Variants in GRXCR2 observed in about 807,000 individuals in gnomAD.
GRXCR2 encodes the protein glutaredoxin and cysteine rich domain containing 2.
GRXCR2 carries 23 observed loss-of-function variants against 24.8 expected under a neutral mutation model. That is an observed-to-expected ratio of 0.93 (90% confidence interval 0.67 to 1.32). The LOEUF (loss-of-function observed/expected upper bound fraction) is 1.32. Ranked by LOEUF, GRXCR2 falls within the 40% of genes most tolerant of loss-of-function variation. GRXCR2 has a pLI of 0.00. For synonymous variants in GRXCR2, 130 were observed against 116.1 expected (o/e 1.12, Z -0.77); for missense variants, 315 against 303.4 (o/e 1.04, Z -0.28).
intron 2 of GRXCR2, among the ~76,000 whole-genome samples, chr5:145,882,268 G>A (rs140465335): frequency 0.014 from 2,082 of 152,116 alleles, 59 homozygotes; most frequent in African/African-American, 0.047. Flanking sequence ...TGCAATCTAC[G>A]CATCTGACAA....
chr5:145,886,017 T>C (rs1241788198), intron 2 of GRXCR2, among the ~76,000 whole-genome samples: 1 of 152,226 alleles, frequency 6.6e-6, no homozygotes, highest in Non-Finnish European at 1.5e-5. Flanking sequence ...CTTCTCATCA[T>C]TAATGCTTCT....
At chr5:145,866,087 T>C (rs1756424510) in intron 2 of GRXCR2, among the ~76,000 whole-genome samples, 1 of 142,254 alleles carries the variant, frequency 7.0e-6, no homozygotes, top group Non-Finnish European at 1.5e-5. Context: ...TGAGCAAAGA[T>C]CACGCCATTG....
chr5:145,866,452 A>G, intron 2 of GRXCR2, 49 bp downstream of exon 2: 1 of 1,382,248 alleles, frequency 7.2e-7, no homozygotes, highest in East Asian at 2.3e-5. Flanking sequence ...CTTGGAGACC[A>G]TTGCTGTAGG....
At chr5:145,930,417 C>G (rs952859645) in intron 2 of GRXCR2, among the ~76,000 whole-genome samples, 10 of 152,176 alleles carry the variant, frequency 6.6e-5, no homozygotes, top group Non-Finnish European at 2.9e-5. Flanking sequence ...AAGTTCAGAT[C>G]TAGGCAGGCA....
chr5:145,930,836 T>C (rs1249573504), intron 2 of GRXCR2, among the ~76,000 whole-genome samples: 2 of 152,212 alleles, frequency 1.3e-5, no homozygotes, highest in African/African-American at 4.8e-5. Flanking sequence ...CACTATTATA[T>C]ACATCATCTC....
At chr5:145,870,169 A>G (rs145457333) in intron 1 of GRXCR2, among the ~76,000 whole-genome samples, 1 of 152,298 alleles carries the variant, frequency 6.6e-6, no homozygotes, top group African/African-American at 2.4e-5. Flanking sequence ...CATGACCACC[A>G]TTCATCTCCA....
At chr5:145,897,661 G>C (rs1248074818) in intron 2 of GRXCR2, among the ~76,000 whole-genome samples, 1 of 151,874 alleles carries the variant, frequency 6.6e-6, no homozygotes, top group African/African-American at 2.4e-5. Context: ...TCAATACCAA[G>C]AAGATATCTC....
chr5:145,860,488 C>T (rs1445324201), intron 2 of GRXCR2, among the ~76,000 whole-genome samples: 1 of 152,214 alleles, frequency 6.6e-6, no homozygotes, highest in Non-Finnish European at 1.5e-5. Flanking sequence ...AGAATTCATG[C>T]TCCTAATGCC....
At chr5:145,929,624 C>T (rs1757453495) in intron 2 of GRXCR2, among the ~76,000 whole-genome samples, 1 of 152,080 alleles carries the variant, frequency 6.6e-6, no homozygotes, top group Non-Finnish European at 1.5e-5. Context: ...TTACCAATTA[C>T]TTGGATTTTA....
intron 2 of GRXCR2, among the ~76,000 whole-genome samples, chr5:145,878,201 G>A (rs1756647438): frequency 6.6e-6 from 1 of 152,218 alleles, no homozygotes. Context: ...TGACTTTGAT[G>A]AGTTGACAGA....
intron 2 of GRXCR2, among the ~76,000 whole-genome samples, chr5:145,896,594 C>T (rs943802586): frequency 1.1e-4 from 16 of 152,174 alleles, no homozygotes; most frequent in African/African-American, 3.1e-4. Flanking sequence ...TACCATCTCA[C>T]ACCAGTTAGA....
At chr5:145,915,524 C>A (rs570452655) in intron 2 of GRXCR2, among the ~76,000 whole-genome samples, 1 of 152,134 alleles carries the variant, frequency 6.6e-6, no homozygotes. Flanking sequence ...GTGGCTCACA[C>A]CTGTAATCCT....
At chr5:145,868,119 CAT>C (rs571001671) in intron 1 of GRXCR2, among the ~76,000 whole-genome samples, 8 of 152,220 alleles carry the variant, frequency 5.3e-5, no homozygotes, top group African/African-American at 1.9e-4. Flanking sequence ...CCACGAAAAA[CAT>C]ATAAAATAGT....
chr5:145,921,927 A>C (rs1315818859), intron 2 of GRXCR2, among the ~76,000 whole-genome samples: 2 of 152,184 alleles, frequency 1.3e-5, no homozygotes, highest in African/African-American at 4.8e-5. Flanking sequence ...GGTATTTTTA[A>C]ATCTTAATTT....
chr5:145,923,883 T>C (rs1384181449), intron 2 of GRXCR2, among the ~76,000 whole-genome samples: 2 of 152,142 alleles, frequency 1.3e-5, no homozygotes, highest in African/African-American at 4.8e-5. Flanking sequence ...TTATTCTCCA[T>C]TACAAACAAC....
At chr5:145,921,395 C>T (rs968987817) in intron 2 of GRXCR2, among the ~76,000 whole-genome samples, 15 of 152,206 alleles carry the variant, frequency 9.9e-5, no homozygotes, top group Admixed American at 3.3e-4. Flanking sequence ...AATTGTGGGA[C>T]TTTGACAGCA....
chr5:145,868,451 A>G (rs1488996044), intron 1 of GRXCR2, among the ~76,000 whole-genome samples: 1 of 152,170 alleles, frequency 6.6e-6, no homozygotes, highest in African/African-American at 2.4e-5. Context: ...CAAGCTTCCT[A>G]TCTGGCCCGA....
At chr5:145,906,663 T>G (rs887956454) in intron 2 of GRXCR2, among the ~76,000 whole-genome samples, 11 of 152,212 alleles carry the variant, frequency 7.2e-5, no homozygotes, top group Admixed American at 7.2e-4. Flanking sequence ...TTGGGCACTG[T>G]GTTAATCCCT....
At chr5:145,891,298 G>C (rs1295153214) in intron 2 of GRXCR2, among the ~76,000 whole-genome samples, 2 of 152,126 alleles carry the variant, frequency 1.3e-5, no homozygotes, top group Non-Finnish European at 2.9e-5. Flanking sequence ...AGGACAGTGG[G>C]TTCAGCACAC....
Sources: allele counts gnomAD v4.1 joint callset (sites outside exome capture counted in the v4.1 genomes callset), GRCh38; gene constraint gnomAD v4.1.1; transcripts MANE v1.5; gene names NCBI Gene and HGNC (gene_info 2026-07-23, HGNC 2026-07-21).